The following STX1B variants were observed in gnomAD, a reference collection of about 807,000 sequenced individuals.
STX1B encodes syntaxin 1B, also known as syntaxin-1B.
In STX1B, 7 loss-of-function variants were observed where a neutral mutation model predicts 39.4. The ratio of observed to expected loss-of-function variants is 0.18; its 90% CI spans 0.10 to 0.33. The LOEUF (loss-of-function observed/expected upper bound fraction) is 0.33. Among genes scored for constraint, STX1B ranks in the 10% least tolerant of loss-of-function variants. STX1B has a pLI of 1.00. For synonymous variants in STX1B, 136 were observed against 144.1 expected (o/e 0.94, Z 0.40); for missense variants, 198 against 383.2 (o/e 0.52, Z 4.04).
intron 7 of STX1B, chr16:30,996,388 C>G (rs2056592095): frequency 3.1e-6 from 1 of 317,668 alleles, no homozygotes; most frequent in South Asian, 4.3e-5. Context: ...TCTCTCTGGG[C>G]CAGTTTTCCT....
At chr16:31,007,625 T>C (rs761933080) in intron 1 of STX1B, among the ~76,000 whole-genome samples, 12 of 152,192 alleles carry the variant, frequency 7.9e-5, no homozygotes, top group Non-Finnish European at 1.0e-4. Flanking sequence ...ACCTCAACCA[T>C]TAAAAGCTAT....
chr16:31,003,222 G>A (rs1221507649), intron 1 of STX1B, among the ~76,000 whole-genome samples: 4 of 152,176 alleles, frequency 2.6e-5, no homozygotes, highest in Non-Finnish European at 4.4e-5. Context: ...ACACTGTGTC[G>A]GAAAATGTGT....
rs78137923 is a variant in STX1B at position 31,003,640 on chromosome 16, A to C, written c.31-2037T>G. ...GAAGTCTTTCCTAAAATCTAATTTC[A>C]ATCTCTCCTGTTGTTCTTGGAGCCA... On this transcript the variant is annotated intron_variant, in intron 1 of 9. Transcript: ENST00000215095. 3.5e-3 allele frequency among the ~76,000 whole-genome samples: 531 copies of C among 151,980 alleles called. 14 individuals are homozygous for C. The East Asian group carries it at 0.037, about 11-fold the overall frequency.
rs200979563 is a variant in STX1B, at chr16:31,001,159, G to A, written c.140C>T (p.Ser47Leu). ...EEIRGCIEKL[S>L]EDVEQVKKQH... ...TTTTTTCACCTGCTCCACATCCTCC[G>A]ACAGTTTCTCAATGCAGCCCCGGAT... The change falls in exon 3 of 10, where the codon TCG becomes TTG. Residue 47 changes from serine (S) to leucine (L), a missense_variant. By Grantham distance (145) the Ser-to-Leu change is moderately radical (BLOSUM62 -2). Transcript: ENST00000215095. This position sits in a 1 kb window ranked among gnomAD's most constrained non-coding sequence, Gnocchi z 5.5. 1.9e-5 allele frequency: 30 copies of A among 1,613,902 alleles called. No individual in the cohort carries two copies. Among genetic ancestry groups the A allele is most frequent in the Middle Eastern group, 1.6e-4 (1 of 6,084 alleles).
chr16:30,999,107 A>G (rs1275092972), intron 4 of STX1B, among the ~76,000 whole-genome samples: 7 of 152,172 alleles, frequency 4.6e-5, no homozygotes, highest in African/African-American at 7.2e-5. Flanking sequence ...GTCTTACTGT[A>G]CTGATAAGGA....
At chr16:30,999,779 C>T (rs2056614440) in intron 4 of STX1B, among the ~76,000 whole-genome samples, 2 of 152,192 alleles carry the variant, frequency 1.3e-5, no homozygotes, top group African/African-American at 4.8e-5. Context: ...GGAAGATCAC[C>T]TTTTTCTGGT....
chr16:30,998,137 T>C (rs1477190916), intron 4 of STX1B, among the ~76,000 whole-genome samples: 12 of 152,202 alleles, frequency 7.9e-5, no homozygotes, highest in Admixed American at 3.3e-4. Context: ...TGATCCCCGA[T>C]CCGGGAATTC....
At chr16:31,002,491 C>T (rs2056635400) in intron 1 of STX1B, among the ~76,000 whole-genome samples, 1 of 152,190 alleles carries the variant, frequency 6.6e-6, no homozygotes, top group African/African-American at 2.4e-5. Context: ...CACGCAGACT[C>T]ACAGCTGAGC....
intron 1 of STX1B, among the ~76,000 whole-genome samples, chr16:31,003,692 C>T (rs1211321926): frequency 6.6e-6 from 1 of 152,214 alleles, no homozygotes; most frequent in African/African-American, 2.4e-5. Flanking sequence ...CTCTGGAGCA[C>T]CCTGGGCTAC....
At chr16:30,995,084 G>A (rs1366572482) in intron 7 of STX1B, among the ~76,000 whole-genome samples, 1 of 151,710 alleles carries the variant, frequency 6.6e-6, no homozygotes, top group Non-Finnish European at 1.5e-5. Context: ...GCTAATTAAA[G>A]CAGGTTTCAC....
intron 1 of STX1B, among the ~76,000 whole-genome samples, chr16:31,005,759 C>T (rs1422782765): frequency 1.3e-5 from 2 of 152,196 alleles, no homozygotes; most frequent in Non-Finnish European, 2.9e-5. Context: ...CTCTGCTCTA[C>T]AGCGCACAGC....
Position 31,001,409 on chromosome 16 carries a change from G to A in STX1B, c.105+120C>T, listed in dbSNP as rs999169685. The A allele has an allele frequency of 1.1e-6, 1 of 878,810 alleles. No homozygotes were observed. The highest frequency in any genetic ancestry group is 1.7e-5 in the African/African-American group (1 of 59,462). The allele number at this position is 878,810 out of a possible 1,614,324, so 54.4% of individuals were successfully genotyped here. A position where few individuals can be genotyped will look rare whatever the true frequency, so the allele number is the denominator to read the frequency against. On this transcript the variant is annotated intron_variant, in intron 2 of 9. Coordinates refer to ENST00000215095, the MANE Select transcript of STX1B (RefSeq NM_052874.5). This position sits in a 1 kb window ranked among gnomAD's most constrained non-coding sequence, Gnocchi z 5.5. ...CTGCGGCTGGGCGGTGGGACTAGGG[G>A]CTGGGGCTGGGTGCTGGGGCTGGGG...
chr16:31,008,751 T>C (rs2056666755), intron 1 of STX1B, among the ~76,000 whole-genome samples: 1 of 152,190 alleles, frequency 6.6e-6, no homozygotes, highest in African/African-American at 2.4e-5. Context: ...GAAGCCGGCC[T>C]GCCTGGGTTT....
intron 1 of STX1B, among the ~76,000 whole-genome samples, chr16:31,002,443 C>A (rs976944770): frequency 1.3e-5 from 2 of 151,334 alleles, no homozygotes; most frequent in Admixed American, 1.3e-4. Context: ...GCCCCCCCGA[C>A]ACCCACACGG....
At chr16:31,010,335 C>A (rs1228022135) in intron 1 of STX1B, 32 bp downstream of exon 1, 1 of 1,113,570 alleles carries the variant, frequency 9.0e-7, no homozygotes. Flanking sequence ...ATTGGGGTCC[C>A]GCCCCCCCAT....
In STX1B at chr16:30,993,136, G is replaced by C. The variant is rs138274964; in HGVS notation, c.780C>G (p.Ala260=). Residue 260 remains alanine (A), a synonymous_variant, in exon 9 of 10, where the codon GCC becomes GCG. Coordinates refer to ENST00000215095, the MANE Select transcript of STX1B (RefSeq NM_052874.5). ...TKKAVKYQSK[A]RRKKIMIIIC... ...GGCCGCCTGCCCCGCTCACCCTCCG[G>C]GCCTTGCTCTGATATTTCACTGCTT... 485 of 1,614,012 alleles carry C rather than the reference G, an allele frequency of 3.0e-4. No individual in the cohort carries two copies. The highest frequency in any genetic ancestry group is 3.9e-4 in the Non-Finnish European group (461 of 1,179,996).
intron 1 of STX1B, among the ~76,000 whole-genome samples, chr16:31,009,945 C>G (rs2143690807): frequency 6.6e-6 from 1 of 152,188 alleles, no homozygotes; most frequent in East Asian, 1.9e-4. Context: ...GTGTCCTTCC[C>G]CGTAGCATCC....
Position 30,990,226 on chromosome 16 carries a change from C to T in STX1B, c.*2595G>A, listed in dbSNP as rs1264801486. ...GGAAACACCTGGGCTGAATGGGGGT[C>T]CTGTCCAGGCGGCCGGAAGAGGGGA... On this transcript the variant is annotated 3_prime_UTR_variant, in exon 10 of 10. Transcript: ENST00000215095. 2 of 152,324 alleles carry T rather than the reference C, an allele frequency of 1.3e-5. No individual in the cohort carries two copies. The highest frequency in any genetic ancestry group is 4.1e-4 in the South Asian group (2 of 4,842). 9.4% of individuals were successfully genotyped at this position (152,324 alleles called of 1,614,324 possible). A position where few individuals can be genotyped will look rare whatever the true frequency, so the allele number is the denominator to read the frequency against.
intron 4 of STX1B, among the ~76,000 whole-genome samples, chr16:30,999,429 T>C (rs61185452): frequency 0.095 from 14,517 of 152,224 alleles, 2,024 homozygotes; most frequent in African/African-American, 0.31. Context: ...GCTCAGCATA[T>C]GTTTTCTGAT....
Sources: allele counts gnomAD v4.1 joint callset (sites outside exome capture counted in the v4.1 genomes callset), GRCh38; gene constraint gnomAD v4.1.1; non-coding constraint Gnocchi (gnomAD v3.1); transcripts MANE v1.5; gene names NCBI Gene and HGNC (gene_info 2026-07-23, HGNC 2026-07-21).